The following CFAP92 variants were observed in gnomAD, a reference collection of about 807,000 sequenced individuals.
CFAP92 encodes cilia and flagella associated protein 92 (putative).
A neutral mutation model predicts 106.3 loss-of-function variants in CFAP92; 86 were observed. That is an observed-to-expected ratio of 0.81 (90% CI 0.68 to 0.97). CFAP92 has a LOEUF of 0.97. Ranked by LOEUF, CFAP92 falls within the 50% of genes least tolerant of loss-of-function variation. CFAP92 has a pLI of 0.00. For missense variants in CFAP92, 1,204 were observed against 1,283.8 expected, an observed-to-expected ratio of 0.94 and a Z score of 0.95; for synonymous variants, 477 against 506.4, an observed-to-expected ratio of 0.94 and a Z score of 0.78.
At chr3:128,994,549 C>T (rs944998821), upstream of CFAP92, among the ~76,000 whole-genome samples, 1 of 152,178 alleles carries the variant, frequency 6.6e-6, no homozygotes, top group Non-Finnish European at 1.5e-5. Context: ...CTGCTTCTGT[C>T]GCTGATGTCC....
At chr3:128,960,763 G>T (rs138533502) in intron 9 of CFAP92, among the ~76,000 whole-genome samples, 7 of 152,002 alleles carry the variant, frequency 4.6e-5, no homozygotes, top group African/African-American at 1.7e-4. Flanking sequence ...CACCCTCAGC[G>T]GCAAGTCCCG....
chr3:129,003,923 C>A (rs142391828), upstream of CFAP92: 3,459 of 1,368,682 alleles, frequency 2.5e-3, 141 homozygotes, highest in East Asian at 0.089. Flanking sequence ...GCGGCTGCGC[C>A]GTGGCCAGGC....
At chr3:128,981,038 CTTTT>C (rs533356293) in intron 4 of CFAP92, among the ~76,000 whole-genome samples, 3 of 139,554 alleles carry the variant, frequency 2.1e-5, no homozygotes, top group South Asian at 4.6e-4. Context: ...CTTTTTCTTT[CTTTT>C]TTTTTTTTTT....
chr3:129,021,825 T>C, the CFAP92 span, among the ~76,000 whole-genome samples: 30 of 152,356 alleles, frequency 2.0e-4, no homozygotes, highest in South Asian at 4.1e-4. Flanking sequence ...TTGAAATGTA[T>C]ATCATAAAAC....
chr3:128,963,848 CA>C (rs1184068448), intron 9 of CFAP92, among the ~76,000 whole-genome samples: 20 of 151,010 alleles, frequency 1.3e-4, no homozygotes, highest in Non-Finnish European at 2.5e-4. Flanking sequence ...AGGGATTATT[CA>C]GGCCCCCTCC....
At chr3:128,931,201 C>T (rs1187607644) in intron 12 of CFAP92, among the ~76,000 whole-genome samples, 15 of 151,712 alleles carry the variant, frequency 9.9e-5, no homozygotes, top group Admixed American at 9.9e-4. Context: ...CACTGTGCCG[C>T]ATTGAGACAG....
At chr3:129,022,228 G>C in the CFAP92 span, among the ~76,000 whole-genome samples, 36,973 of 152,156 alleles carry the variant, frequency 0.24, 7,609 homozygotes, top group African/African-American at 0.56. Flanking sequence ...TCATAGGACC[G>C]CCAGGCCCAG....
intron 10 of CFAP92, among the ~76,000 whole-genome samples, chr3:128,937,383 T>A (rs13074978): frequency 6.7e-6 from 1 of 148,886 alleles, no homozygotes; most frequent in Admixed American, 6.7e-5. Context: ...GAGGCCGAGG[T>A]GGGCAGATCA....
rs761633622 is a variant in CFAP92, at chr3:129,002,112, C to A, written n.117+462G>T. On this transcript the variant is annotated intron_variant and non_coding_transcript_variant, in intron 1 of 4. Transcript: ENST00000510149. Reference sequence around the variant, plus strand: ...CGGCACCCGTGCGGGGCCCCGGCTGCCCCGCGGCGCTCTCAGCGAGCACAT... The same window carrying A: ...CGGCACCCGTGCGGGGCCCCGGCTGACCCGCGGCGCTCTCAGCGAGCACAT... 4.7e-6 allele frequency: 7 copies of A among 1,483,304 alleles called. No homozygotes were observed. In the South Asian group the frequency reaches 9.2e-5, roughly 20 times the overall value. The allele number at this position is 1,483,304 out of a possible 1,614,324, so 91.9% of individuals were successfully genotyped here.
At chr3:128,935,707 C>T (rs972040207) in intron 10 of CFAP92, among the ~76,000 whole-genome samples, 2 of 151,866 alleles carry the variant, frequency 1.3e-5, no homozygotes, top group African/African-American at 2.4e-5. Flanking sequence ...AGCGAAACTC[C>T]GTCTCAAAAC....
At chr3:129,014,481 T>C in the CFAP92 span, among the ~76,000 whole-genome samples, 1 of 152,256 alleles carries the variant, frequency 6.6e-6, no homozygotes, top group African/African-American at 2.4e-5. This position sits in a 1 kb window ranked among gnomAD's most constrained non-coding sequence, Gnocchi z 4.3. Context: ...TGTGTGTATT[T>C]CTGTCCTAAT....
chr3:129,026,443 C>G, the CFAP92 span, among the ~76,000 whole-genome samples: 1 of 152,188 alleles, frequency 6.6e-6, no homozygotes, highest in East Asian at 1.9e-4. Flanking sequence ...CAATTCCAGC[C>G]GCTGAAGTCC....
At position 128,945,913 on chromosome 3, in the gene CFAP92, C is replaced by G; in HGVS notation, c.1416G>C (p.Lys472Asn). 6.9e-7 allele frequency: 1 copy of G among 1,457,460 alleles called. No individual in the cohort carries two copies. Among genetic ancestry groups the G allele is most frequent in the African/African-American group, 1.4e-5 (1 of 70,300 alleles). 90.3% of individuals were successfully genotyped at this position (1,457,460 alleles called of 1,614,324 possible). The change falls in exon 10 of 16, where the codon AAG becomes AAC. Residue 472 changes from lysine to asparagine, a missense_variant. Transcript: ENST00000645291. ...QFHKTPVHKTKGEPHGTHVYF... is the reference protein window; with the variant it reads ...QFHKTPVHKTNGEPHGTHVYF... ...AAACGTGGGTTCCATGGGGCTCCCC[C>G]TTGGTCTTGTGAACTGGAGTCTTAT...
chr3:128,983,997 C>A (rs1171570231), intron 4 of CFAP92, among the ~76,000 whole-genome samples: 1 of 152,146 alleles, frequency 6.6e-6, no homozygotes, highest in Non-Finnish European at 1.5e-5. Context: ...CAGAGAAAGC[C>A]AGAGGGCAGG....
upstream of CFAP92, among the ~76,000 whole-genome samples, chr3:128,996,632 T>G (rs1944489340): frequency 6.6e-6 from 1 of 152,192 alleles, no homozygotes; most frequent in South Asian, 2.1e-4. Context: ...TGTTACTGAG[T>G]AAAAACCATC....
At chr3:128,966,467 C>T (rs1942368651) in intron 8 of CFAP92, 2 of 152,236 alleles carry the variant, frequency 1.3e-5, no homozygotes, top group South Asian at 4.1e-4. Flanking sequence ...GCATACCTCC[C>T]ACCAGGGTGG....
At chr3:128,973,774 A>C (rs1017217579) in intron 7 of CFAP92, among the ~76,000 whole-genome samples, 1 of 152,150 alleles carries the variant, frequency 6.6e-6, no homozygotes, top group Non-Finnish European at 1.5e-5. Context: ...AATGCCGTGG[A>C]CTCACATGTG....
upstream of CFAP92, chr3:129,004,088 G>A (rs775222492): frequency 8.8e-6 from 13 of 1,482,824 alleles, 1 homozygote; most frequent in South Asian, 1.5e-4. Context: ...GTGAGCGGGG[G>A]CGCGTGCCCT....
chr3:128,987,886 C>G lies in CFAP92; in HGVS notation c.454-57G>C, dbSNP rs893530247. 3.4e-6 allele frequency: 5 copies of G among 1,461,382 alleles called. No individual in the cohort carries two copies. In the African/African-American group the frequency reaches 7.0e-5, roughly 20 times the overall value. 90.5% of individuals were successfully genotyped at this position (1,461,382 alleles called of 1,614,324 possible). On this transcript the variant is annotated intron_variant, in intron 3 of 15. Coordinates refer to ENST00000645291, the MANE Select transcript of CFAP92 (RefSeq NM_001394090.1). ...GGGGAAAGATGTGCAAAGGCCGTGG[C>G]GAACAGAGCAAGCCCCAGCCCCAGC...
Sources: allele counts gnomAD v4.1 joint callset (sites outside exome capture counted in the v4.1 genomes callset), GRCh38; gene constraint gnomAD v4.1.1; non-coding constraint Gnocchi (gnomAD v3.1); transcripts MANE v1.5; gene names NCBI Gene and HGNC (gene_info 2026-07-23, HGNC 2026-07-21).